The following TNKS variants were observed in gnomAD, a reference collection of about 807,000 sequenced individuals.
TNKS encodes poly [ADP-ribose] polymerase tankyrase-1.
TNKS carries 72 observed loss-of-function variants against 135.8 expected under a neutral mutation model. The observed-to-expected ratio is 0.53, with a 90% confidence interval of 0.44 to 0.64. TNKS has a LOEUF of 0.64. Ranked by LOEUF, TNKS falls within the 30% of genes least tolerant of loss-of-function variation. The probability of loss-of-function intolerance (pLI) is 0.00; values close to 1 mark genes in which losing one functional copy is unlikely to be tolerated. For missense variants in TNKS, 1,769 were observed against 1,674.0 expected, an observed-to-expected ratio of 1.06 and a Z score of -0.99; for synonymous variants, 849 against 649.3, an observed-to-expected ratio of 1.31 and a Z score of -4.68.
intron 3 of TNKS, among the ~76,000 whole-genome samples, chr8:9,673,268 T>G (rs1283471508): frequency 6.6e-6 from 1 of 152,152 alleles, no homozygotes; most frequent in East Asian, 1.9e-4. Context: ...ATATGAGTGT[T>G]ATATTGTGTT....
chr8:9,747,745 T>G (rs1383090253), intron 17 of TNKS, among the ~76,000 whole-genome samples: 1 of 152,142 alleles, frequency 6.6e-6, no homozygotes, highest in South Asian at 2.1e-4. Flanking sequence ...TAAAATAAAG[T>G]TGAATATATT....
intron 5 of TNKS, among the ~76,000 whole-genome samples, chr8:9,681,736 C>T (rs1353995916): frequency 6.6e-6 from 1 of 151,992 alleles, no homozygotes; most frequent in Non-Finnish European, 1.5e-5. Context: ...AATTATTTTG[C>T]TTTTAAAAAA....
chr8:9,714,589 G>A (rs36092720), intron 11 of TNKS, among the ~76,000 whole-genome samples: 15,861 of 152,126 alleles, frequency 0.1, 1,268 homozygotes, highest in Admixed American at 0.24. Context: ...AGATACTGTG[G>A]AAAATACCAG....
At chr8:9,628,275 C>T (rs1274763339) in intron 3 of TNKS, among the ~76,000 whole-genome samples, 1 of 152,176 alleles carries the variant, frequency 6.6e-6, no homozygotes, top group Non-Finnish European at 1.5e-5. Flanking sequence ...TCACTACTTT[C>T]TTACTTTTTA....
At chr8:9,574,084 G>T (rs1004057766) in intron 1 of TNKS, among the ~76,000 whole-genome samples, 1 of 152,166 alleles carries the variant, frequency 6.6e-6, no homozygotes, top group Non-Finnish European at 1.5e-5. Flanking sequence ...AGTATATTGG[G>T]GTTAGGCTAT....
intron 2 of TNKS, among the ~76,000 whole-genome samples, chr8:9,585,352 G>T (rs914264517): frequency 6.6e-6 from 1 of 150,898 alleles, no homozygotes; most frequent in Non-Finnish European, 1.5e-5. Context: ...AGAGGCAGGG[G>T]AAAAAAGAAA....
At chr8:9,594,572 T>C (rs1353281617) in intron 2 of TNKS, among the ~76,000 whole-genome samples, 2 of 152,192 alleles carry the variant, frequency 1.3e-5, no homozygotes, top group East Asian at 3.8e-4. Context: ...TTACGTAAAA[T>C]GAGATCATTC....
At position 9,615,652 on chromosome 8, in the gene TNKS, T is replaced by G; in HGVS notation, c.969T>G (p.Asp323Glu). 6.2e-7 allele frequency: 1 copy of G among 1,613,268 alleles called. No individual in the cohort carries two copies. Among genetic ancestry groups the G allele is most frequent in the Non-Finnish European group, 8.5e-7 (1 of 1,179,620 alleles). Reference sequence around the variant, plus strand: ...GGAAATCAGCCCTGGACCTGGCAGATCCTTCAGCAAAAGCTGTCCTTACAG... The same window carrying G: ...GGAAATCAGCCCTGGACCTGGCAGAGCCTTCAGCAAAAGCTGTCCTTACAG... ...TDGKSALDLADPSAKAVLTGE... is the reference protein window; with the variant it reads ...TDGKSALDLAEPSAKAVLTGE... Residue 323 changes from aspartate to glutamate, a missense_variant, in exon 3 of 27, where the codon GAT (aspartate) becomes GAG (glutamate). Asp to Glu is a conservative substitution (Grantham distance 45). Around this residue, in one of 5 missense-constraint regions of TNKS, gnomAD observed 523 missense variants for 541.0 expected, o/e 0.97. Coordinates refer to ENST00000310430, the MANE Select transcript of TNKS (RefSeq NM_003747.3).
chr8:9,773,649 A>G (rs753981164), intron 26 of TNKS, among the ~76,000 whole-genome samples: 3 of 152,156 alleles, frequency 2.0e-5, no homozygotes, highest in African/African-American at 7.2e-5. Context: ...CCCAGGTAAA[A>G]TTTGACTTGA....
At chr8:9,576,092 C>G (rs1197925373) in intron 1 of TNKS, among the ~76,000 whole-genome samples, 1 of 152,148 alleles carries the variant, frequency 6.6e-6, no homozygotes, top group Non-Finnish European at 1.5e-5. Context: ...GTCCTCATGG[C>G]CAGTCACTGA....
At chr8:9,766,953 A>C (rs768198703) in intron 25 of TNKS, among the ~76,000 whole-genome samples, 8 of 152,224 alleles carry the variant, frequency 5.3e-5, no homozygotes, top group Non-Finnish European at 1.0e-4. Flanking sequence ...CATGGCCTCC[A>C]GTCACGGGTT....
At chr8:9,612,808 C>A (rs998309389) in intron 2 of TNKS, among the ~76,000 whole-genome samples, 10 of 151,788 alleles carry the variant, frequency 6.6e-5, no homozygotes, top group Non-Finnish European at 8.8e-5. Context: ...TAATAGCCTA[C>A]TATTGACCAG....
At chr8:9,620,222 C>T (rs933411934) in intron 3 of TNKS, among the ~76,000 whole-genome samples, 3 of 152,166 alleles carry the variant, frequency 2.0e-5, no homozygotes, top group Non-Finnish European at 4.4e-5. Context: ...GCCGGGATTA[C>T]AGGTGTGAGC....
At chr8:9,598,729 G>GTGTGTGTGTGTGTGTC (rs777986624) in intron 2 of TNKS, among the ~76,000 whole-genome samples, 64 of 123,522 alleles carry the variant, frequency 5.2e-4, no homozygotes, top group East Asian at 5.0e-4. Flanking sequence ...GTGTGTGTGT[G>GTGTGTGTGTGTGTGTC]TGTGTCTGTG....
intron 24 of TNKS, 140 bp from the exon 25 acceptor site, chr8:9,766,099 A>T: frequency 1.3e-6 from 1 of 757,574 alleles, no homozygotes; most frequent in Non-Finnish European, 2.1e-6. Context: ...TATTATGTAT[A>T]ATAGACCTTC....
intron 17 of TNKS, among the ~76,000 whole-genome samples, chr8:9,746,246 C>G (rs965990180): frequency 6.6e-6 from 1 of 152,126 alleles, no homozygotes; most frequent in Non-Finnish European, 1.5e-5. Context: ...TGCTAACCAG[C>G]CTAACATCCT....
chr8:9,764,214 A>AAGAC (rs1243025720), intron 22 of TNKS, among the ~76,000 whole-genome samples: 2 of 152,130 alleles, frequency 1.3e-5, no homozygotes, highest in African/African-American at 4.8e-5. Flanking sequence ...GAGTAGTCAG[A>AAGAC]AGACAGTTAT....
rs982649387 is a variant in TNKS, at chr8:9,690,447, C to T, written c.1107+9647C>T. The stretch of plus-strand genomic sequence containing the variant: ...ACATACATTTAAAATAAAGATAGTC[C>T]TTTATATTCTCACTTTAAAAATAAA... On this transcript the variant is annotated intron_variant, in intron 5 of 26. Coordinates refer to ENST00000310430, the MANE Select transcript of TNKS (RefSeq NM_003747.3). Among the ~76,000 whole-genome samples, 16 of 152,090 alleles carry T rather than the reference C, an allele frequency of 1.1e-4. 1 individual carries two copies. The highest frequency in any genetic ancestry group is 3.4e-4 in the African/African-American group (14 of 41,424).
At chr8:9,771,598 G>C (rs1230540264) in intron 26 of TNKS, among the ~76,000 whole-genome samples, 1 of 125,832 alleles carries the variant, frequency 7.9e-6, no homozygotes. Context: ...GGAGAGGAAA[G>C]AAAGAAGGGA....
Sources: allele counts gnomAD v4.1 joint callset (sites outside exome capture counted in the v4.1 genomes callset), GRCh38; gene constraint gnomAD v4.1.1; regional missense constraint gnomAD v4.1.1; transcripts MANE v1.5; gene names NCBI Gene and HGNC (gene_info 2026-07-23, HGNC 2026-07-21).